The following PARG variants were observed in gnomAD, a reference collection of about 807,000 sequenced individuals.
The protein encoded by PARG is poly(ADP-ribose) glycohydrolase.
In PARG, 35 loss-of-function variants were observed where a neutral mutation model predicts 113.0. The ratio of observed to expected loss-of-function variants is 0.31; its 90% CI spans 0.24 to 0.41. The LOEUF (loss-of-function observed/expected upper bound fraction) is 0.41, where lower values mean the gene tolerates loss of function less well. Ranked by LOEUF, PARG falls within the 10% of genes least tolerant of loss-of-function variation. The probability of loss-of-function intolerance (pLI) is 1.00; values close to 1 mark genes in which losing one functional copy is unlikely to be tolerated. For missense variants in PARG, 797 were observed against 1,169.4 expected, an observed-to-expected ratio of 0.68 and a Z score of 4.64; for synonymous variants, 330 against 409.9, an observed-to-expected ratio of 0.81 and a Z score of 2.36.
chr10:49,835,431 G>T (rs1415279431), intron 15 of PARG, among the ~76,000 whole-genome samples: 4 of 152,140 alleles, frequency 2.6e-5, no homozygotes, highest in African/African-American at 9.7e-5. Flanking sequence ...CCTCAGGATA[G>T]TAAGCAGAAG....
At chr10:49,926,375 G>T (rs1486840914) in intron 4 of PARG, among the ~76,000 whole-genome samples, 1 of 152,000 alleles carries the variant, frequency 6.6e-6, no homozygotes, top group Admixed American at 6.5e-5. Context: ...AAGCAAGGAG[G>T]TAATAACAGC....
At chr10:49,820,132 A>G in intron 17 of PARG, 33 bp downstream of exon 17, 1 of 1,453,136 alleles carries the variant, frequency 6.9e-7, no homozygotes, top group Non-Finnish European at 9.4e-7. Flanking sequence ...CAATCCATCT[A>G]GATACCAAGT....
intron 7 of PARG, among the ~76,000 whole-genome samples, chr10:49,910,900 C>A (rs1367996585): frequency 1.3e-5 from 2 of 151,980 alleles, no homozygotes; most frequent in Non-Finnish European, 2.9e-5. Context: ...AATACGTCCC[C>A]CATGCCCTTC....
intron 4 of PARG, 61 bp from the exon 5 acceptor site, chr10:49,922,730 T>G (rs1837951572): frequency 1.9e-6 from 2 of 1,031,308 alleles, no homozygotes; most frequent in Non-Finnish European, 2.8e-6. Flanking sequence ...TTCTATAAAA[T>G]AATCCTAAGT....
At position 49,941,531 on chromosome 10, in the gene PARG, G is replaced by A. The variant is rs2133028683; in HGVS notation, c.195C>T (p.His65=). 1 of 1,556,662 alleles carries A rather than the reference G, an allele frequency of 6.4e-7. No homozygotes were observed. The highest frequency in any genetic ancestry group is 2.4e-5 in the East Asian group (1 of 41,336). Residue 65 remains histidine, a synonymous_variant, in exon 1 of 18, where the codon CAC becomes CAT. Coordinates refer to ENST00000616448, the MANE Select transcript of PARG (RefSeq NM_003631.5). Reference sequence around the variant, plus strand: ...TACCAAGCGAGGTGGCGCTGCCTCTGTGCTGTCCCGCCCGCCCTGGGACGC... The same window carrying A: ...TACCAAGCGAGGTGGCGCTGCCTCTATGCTGTCCCGCCCGCCCTGGGACGC... ...PACVPGRAGQ[H]RGSATSLVFK...
intron 16 of PARG, among the ~76,000 whole-genome samples, chr10:49,821,837 C>G (rs1330024170): frequency 6.6e-6 from 1 of 151,990 alleles, no homozygotes; most frequent in African/African-American, 2.4e-5. Context: ...AAATAAATAA[C>G]ATAACCACAT....
chr10:49,912,715 A>T (rs1374938562), intron 7 of PARG, among the ~76,000 whole-genome samples: 2 of 152,216 alleles, frequency 1.3e-5, no homozygotes, highest in East Asian at 3.9e-4. Context: ...CTATAATCCC[A>T]GCACTTTGGG....
chr10:49,821,774 G>T (rs1844096993), intron 16 of PARG, among the ~76,000 whole-genome samples: 3 of 152,114 alleles, frequency 2.0e-5, no homozygotes, highest in Non-Finnish European at 4.4e-5. Context: ...ATGGGAATGG[G>T]AAGAAACCTA....
chr10:49,920,943 A>C (rs1837834933), intron 6 of PARG, among the ~76,000 whole-genome samples: 1 of 152,104 alleles, frequency 6.6e-6, no homozygotes, highest in Non-Finnish European at 1.5e-5. Context: ...TCTTAGTCAC[A>C]CAGGATCCCT....
chr10:49,830,444 T>C (rs1156628055), intron 16 of PARG, among the ~76,000 whole-genome samples: 1 of 152,232 alleles, frequency 6.6e-6, no homozygotes, highest in East Asian at 1.9e-4. Flanking sequence ...AACATCTTTA[T>C]AAGCACACCA....
intron 11 of PARG, among the ~76,000 whole-genome samples, chr10:49,862,086 C>CGTGTGTGTGTGT (rs35142553): frequency 1.4e-5 from 2 of 142,944 alleles, no homozygotes; most frequent in African/African-American, 5.3e-5. Flanking sequence ...GTTTCATAAC[C>CGTGTGTGTGTGT]GTGTGTGTGT....
intron 7 of PARG, among the ~76,000 whole-genome samples, chr10:49,906,159 T>TTTTTTC (rs4012651): frequency 3.5e-5 from 5 of 142,188 alleles, no homozygotes; most frequent in Non-Finnish European, 7.8e-5. Flanking sequence ...TTTTTTTTTT[T>TTTTTTC]CCCAGTAGAA....
intron 12 of PARG, among the ~76,000 whole-genome samples, chr10:49,859,721 T>C (rs1462095805): frequency 1.3e-5 from 2 of 152,246 alleles, no homozygotes; most frequent in East Asian, 3.8e-4. Context: ...TATTGTTTAC[T>C]CTTTGAATAA....
At chr10:49,847,973 T>G (rs531642733) in intron 13 of PARG, among the ~76,000 whole-genome samples, 1 of 151,334 alleles carries the variant, frequency 6.6e-6, no homozygotes, top group East Asian at 1.9e-4. Context: ...TCTGTGAATC[T>G]GAGTAAAGAG....
intron 15 of PARG, among the ~76,000 whole-genome samples, chr10:49,838,642 A>G (rs1301682354): frequency 3.9e-5 from 6 of 152,180 alleles, no homozygotes; most frequent in Non-Finnish European, 2.9e-5. Context: ...CATTTAAAGC[A>G]CTAAGTAGAA....
intron 7 of PARG, among the ~76,000 whole-genome samples, chr10:49,906,088 G>A (rs1291200656): frequency 6.6e-6 from 1 of 150,668 alleles, no homozygotes; most frequent in Non-Finnish European, 1.5e-5. Flanking sequence ...AGGATTCAAA[G>A]GAACGAAGAC....
chr10:49,898,334 C>T (rs1377425439), intron 7 of PARG, among the ~76,000 whole-genome samples: 1 of 151,750 alleles, frequency 6.6e-6, no homozygotes, highest in East Asian at 1.9e-4. Flanking sequence ...CTTTGATCAC[C>T]CCCATATCAA....
At chr10:49,904,141 G>A (rs1848467848) in intron 7 of PARG, among the ~76,000 whole-genome samples, 2 of 151,806 alleles carry the variant, frequency 1.3e-5, no homozygotes, top group African/African-American at 2.4e-5. Context: ...GGCTGAGGCA[G>A]AATAGGGCAG....
rs1564597090 is a variant in PARG, at chr10:49,831,236, T to C, written c.2647+1567A>G. On this transcript the variant is annotated intron_variant, in intron 16 of 17. Transcript: ENST00000616448. ...GGTATTTTTCTAGATTAAAAAAAAATAATAAATGTGTCATTTTTATAAAAA... is the reference window on the plus strand; with the variant it reads ...GGTATTTTTCTAGATTAAAAAAAAACAATAAATGTGTCATTTTTATAAAAA... Among the ~76,000 whole-genome samples, 8 of 151,696 alleles carry C rather than the reference T, an allele frequency of 5.3e-5. No individual in the cohort carries two copies. The South Asian group carries it at 1.5e-3, about 28-fold the overall frequency.
Sources: allele counts gnomAD v4.1 joint callset (sites outside exome capture counted in the v4.1 genomes callset), GRCh38; gene constraint gnomAD v4.1.1; transcripts MANE v1.5; gene names NCBI Gene and HGNC (gene_info 2026-07-23, HGNC 2026-07-21).